The following MAML2 variants were observed in gnomAD, a reference collection of about 807,000 sequenced individuals.
The protein encoded by MAML2 is mastermind-like protein 2.
MAML2 carries 22 observed loss-of-function variants against 96.1 expected under a neutral mutation model. The observed-to-expected ratio is 0.23, with a 90% CI of 0.16 to 0.33. The LOEUF is 0.33. Ranked by LOEUF, MAML2 falls within the 10% of genes least tolerant of loss-of-function variation. The probability of loss-of-function intolerance (pLI) is 1.00; values close to 1 mark genes in which losing one functional copy is unlikely to be tolerated. For synonymous variants in MAML2, 561 were observed against 521.3 expected (o/e 1.08, Z -1.04); for missense variants, 1,367 against 1,392.4 (o/e 0.98, Z 0.29).
Position 96,266,045 on chromosome 11 carries a change from C to T in MAML2, c.513+75338G>A, listed in dbSNP as rs112174905. Among the ~76,000 whole-genome samples the T allele has an allele frequency of 9.3e-4, 142 of 152,278 alleles. 1 individual carries two copies. Among genetic ancestry groups the T allele is most frequent in the African/African-American group, 3.3e-3 (138 of 41,552 alleles). ...TACACTAAAAGAGCACCCTGTAACACATGCCTACTGGGGCTTCAAAAGCTG... is the reference window on the plus strand; with the variant it reads ...TACACTAAAAGAGCACCCTGTAACATATGCCTACTGGGGCTTCAAAAGCTG... On this transcript the variant is annotated intron_variant, in intron 1 of 4. Transcript: ENST00000524717.
intron 1 of MAML2, among the ~76,000 whole-genome samples, chr11:96,223,491 G>T (rs542445023): frequency 1.3e-5 from 2 of 152,074 alleles, no homozygotes; most frequent in Non-Finnish European, 2.9e-5. Flanking sequence ...GCTTTCATTT[G>T]TCTTGCCCTG....
chr11:96,115,399 G>A (rs1860217457), intron 1 of MAML2, among the ~76,000 whole-genome samples: 1 of 151,430 alleles, frequency 6.6e-6, no homozygotes, highest in Non-Finnish European at 1.5e-5. Context: ...GTGAACTCTT[G>A]GTCTCAAGCA....
chr11:96,066,187 A>T (rs1482283617), intron 2 of MAML2, among the ~76,000 whole-genome samples: 1 of 152,154 alleles, frequency 6.6e-6, no homozygotes, highest in African/African-American at 2.4e-5. Context: ...GGCCCTTCCT[A>T]TCACTGCCTA....
At chr11:96,153,789 C>A (rs1016194973) in intron 1 of MAML2, among the ~76,000 whole-genome samples, 9 of 151,990 alleles carry the variant, frequency 5.9e-5, no homozygotes, top group South Asian at 4.1e-4. Flanking sequence ...CACACACCTG[C>A]AATCCTAGCT....
chr11:96,220,871 C>T (rs1420371087), intron 1 of MAML2, among the ~76,000 whole-genome samples: 1 of 151,908 alleles, frequency 6.6e-6, no homozygotes, highest in African/African-American at 2.4e-5. Flanking sequence ...AAGGAGGATG[C>T]CTTTCTGGGT....
At chr11:96,167,015 T>C (rs1162630359) in intron 1 of MAML2, among the ~76,000 whole-genome samples, 2 of 152,300 alleles carry the variant, frequency 1.3e-5, no homozygotes, top group African/African-American at 2.4e-5. Context: ...ATTTGAAAAC[T>C]TGCTGTTCAT....
At chr11:96,180,771 C>A (rs1472417925) in intron 1 of MAML2, among the ~76,000 whole-genome samples, 2 of 152,184 alleles carry the variant, frequency 1.3e-5, no homozygotes, top group Non-Finnish European at 2.9e-5. Flanking sequence ...GACCACCAAA[C>A]AGGCTTTGTG....
At chr11:96,295,296 C>G (rs980619001) in intron 1 of MAML2, among the ~76,000 whole-genome samples, 9 of 152,034 alleles carry the variant, frequency 5.9e-5, no homozygotes, top group African/African-American at 2.2e-4. Context: ...TCAATAAAAA[C>G]AGACAGTCAG....
intron 1 of MAML2, among the ~76,000 whole-genome samples, chr11:96,185,228 T>G (rs550412923): frequency 6.7e-6 from 1 of 150,368 alleles, no homozygotes; most frequent in Non-Finnish European, 1.5e-5. Context: ...CAGGGACTTT[T>G]GGTTACACGC....
intron 1 of MAML2, among the ~76,000 whole-genome samples, chr11:96,268,517 G>A (rs969938364): frequency 6.6e-6 from 1 of 152,078 alleles, no homozygotes; most frequent in Non-Finnish European, 1.5e-5. Flanking sequence ...TCCTACCTAT[G>A]TGGCTTCCAA....
chr11:96,184,293 TA>T (rs1861537790), intron 1 of MAML2, among the ~76,000 whole-genome samples: 1 of 151,802 alleles, frequency 6.6e-6, no homozygotes, highest in South Asian at 2.1e-4. Context: ...ACGTAAAAAT[TA>T]GTGGGCGTGG....
chr11:96,152,173 G>A (rs1279230145), intron 1 of MAML2, among the ~76,000 whole-genome samples: 1 of 152,206 alleles, frequency 6.6e-6, no homozygotes, highest in Admixed American at 6.5e-5. Flanking sequence ...AATGAGCTAT[G>A]ATTGCACCAC....
chr11:96,089,524 C>A (rs1204673104), intron 2 of MAML2, among the ~76,000 whole-genome samples: 3 of 152,146 alleles, frequency 2.0e-5, no homozygotes, highest in African/African-American at 4.8e-5. Flanking sequence ...AATAATCTAC[C>A]AAATGTGCTA....
chr11:96,036,522 A>G (rs2135751886), intron 2 of MAML2, among the ~76,000 whole-genome samples: 1 of 152,298 alleles, frequency 6.6e-6, no homozygotes, highest in African/African-American at 2.4e-5. Flanking sequence ...GTGAAAAAGC[A>G]CTTGGTGTGA....
At chr11:96,290,236 C>T (rs1382070429) in intron 1 of MAML2, among the ~76,000 whole-genome samples, 3 of 152,182 alleles carry the variant, frequency 2.0e-5, no homozygotes, top group South Asian at 2.1e-4. Context: ...TGAACTCTAA[C>T]AGAGATACAG....
chr11:96,127,858 T>C (rs1860475848), intron 1 of MAML2, among the ~76,000 whole-genome samples: 1 of 152,186 alleles, frequency 6.6e-6, no homozygotes, highest in Non-Finnish European at 1.5e-5. Flanking sequence ...CCCTACTGTT[T>C]CCATTGGAAA....
rs186048807 is a variant in MAML2 at position 96,093,202 on chromosome 11, T to C, written c.829A>G (p.Lys277Glu). Residue 277 changes from lysine (K) to glutamate (E), a missense_variant, in exon 2 of 5, where the codon AAG becomes GAG. By Grantham distance (56) the Lys-to-Glu change is moderately conservative. Transcript: ENST00000524717. ...KEPGETLSCS[K>E]HMDGQMTQEN... The stretch of plus-strand genomic sequence containing the variant: ...TGGGTCATTTGGCCATCCATGTGCT[T>C]ACTGCAAGACAGAGTCTCTCCTGGC... 6.2e-7 allele frequency: 1 copy of C among 1,614,054 alleles called. No homozygotes were observed. The highest frequency in any genetic ancestry group is 1.3e-5 in the African/African-American group (1 of 75,050).
chr11:96,045,071 G>A (rs541553263), intron 2 of MAML2, among the ~76,000 whole-genome samples: 38 of 151,778 alleles, frequency 2.5e-4, no homozygotes, highest in Non-Finnish European at 4.3e-4. Flanking sequence ...ACCAAGCCTT[G>A]CACCCAGGGT....
At chr11:96,251,849 A>G (rs2135967240) in intron 1 of MAML2, among the ~76,000 whole-genome samples, 1 of 151,426 alleles carries the variant, frequency 6.6e-6, no homozygotes, top group East Asian at 1.9e-4. Flanking sequence ...CTCCTGCCTC[A>G]GCCTCCCGAG....
Sources: gnomAD v4.1 joint callset for allele counts (sites outside exome capture counted in the v4.1 genomes callset) on GRCh38, gnomAD v4.1.1 for gene constraint, MANE v1.5 for transcripts, NCBI Gene and HGNC (gene_info 2026-07-23, HGNC 2026-07-21) for gene names.